Variants in KLF12 observed in about 807,000 individuals in gnomAD.
KLF12 encodes Krueppel-like factor 12.
Under a neutral mutation model 37.8 loss-of-function variants are expected in KLF12, and 9 were observed. That is an observed-to-expected ratio of 0.24 (90% CI 0.14 to 0.42). KLF12 has a LOEUF of 0.42. Among genes scored for constraint, KLF12 ranks in the 10% least tolerant of loss-of-function variants. KLF12 has a pLI of 1.00. For synonymous variants in KLF12, 208 were observed against 202.1 expected, an observed-to-expected ratio of 1.03 and a Z score of -0.25; for missense variants, 411 against 516.0, an observed-to-expected ratio of 0.80 and a Z score of 1.97.
chr13:73,823,160 T>C (rs909752275), intron 4 of KLF12, among the ~76,000 whole-genome samples: 2 of 152,174 alleles, frequency 1.3e-5, no homozygotes, highest in African/African-American at 4.8e-5. Context: ...GTTTTCTAGT[T>C]TGTGTACTGA....
intron 1 of KLF12, among the ~76,000 whole-genome samples, chr13:74,115,686 C>G (rs903611158): frequency 7.5e-6 from 1 of 133,064 alleles, no homozygotes; most frequent in Non-Finnish European, 1.6e-5. Context: ...GCCTGGGCGA[C>G]AGAGTAAAAC....
At chr13:74,215,264 C>T in the KLF12 span, among the ~76,000 whole-genome samples, 1 of 151,752 alleles carries the variant, frequency 6.6e-6, no homozygotes, top group Non-Finnish European at 1.5e-5. Context: ...GATAGAATTT[C>T]TCCACTTTAT....
chr13:74,262,821 G>T, the KLF12 span, among the ~76,000 whole-genome samples: 1 of 151,904 alleles, frequency 6.6e-6, no homozygotes, highest in Non-Finnish European at 1.5e-5. Flanking sequence ...ATATATGTGT[G>T]CATATATGTA....
chr13:74,186,336 C>T, the KLF12 span, among the ~76,000 whole-genome samples: 3 of 152,132 alleles, frequency 2.0e-5, no homozygotes, highest in African/African-American at 7.2e-5. Flanking sequence ...TACTTAACCA[C>T]CTTGCCCTTC....
chr13:73,757,985 T>A (rs1215282891), intron 6 of KLF12, among the ~76,000 whole-genome samples: 1 of 152,218 alleles, frequency 6.6e-6, no homozygotes, highest in Non-Finnish European at 1.5e-5. Context: ...CAGTCTTTTT[T>A]TCTGTATCAG....
intron 2 of KLF12, among the ~76,000 whole-genome samples, chr13:73,952,481 A>G (rs1401277924): frequency 6.6e-6 from 1 of 152,200 alleles, no homozygotes; most frequent in South Asian, 2.1e-4. Flanking sequence ...AACTGCCCCC[A>G]TGATCCAATC....
chr13:73,991,363 A>C (rs9592961), intron 2 of KLF12, among the ~76,000 whole-genome samples: 2 of 152,234 alleles, frequency 1.3e-5, no homozygotes, highest in African/African-American at 2.4e-5. Context: ...CACCAAGTGC[A>C]TGTTAGAATT....
At chr13:73,731,971 T>C (rs1249281919) in intron 6 of KLF12, among the ~76,000 whole-genome samples, 2 of 152,136 alleles carry the variant, frequency 1.3e-5, no homozygotes, top group African/African-American at 2.4e-5. Context: ...TGTGGGGTTA[T>C]AAAAAGAATT....
chr13:74,050,076 A>T (rs1872808515), intron 1 of KLF12, among the ~76,000 whole-genome samples: 1 of 152,186 alleles, frequency 6.6e-6, no homozygotes, highest in South Asian at 2.1e-4. Context: ...TGACAAAAAC[A>T]GGCCACATAA....
At chr13:74,221,143 T>C in the KLF12 span, among the ~76,000 whole-genome samples, 1 of 151,928 alleles carries the variant, frequency 6.6e-6, no homozygotes, top group Non-Finnish European at 1.5e-5. Context: ...TAGCTGGGAC[T>C]ACAAGCACCG....
At chr13:73,697,482 G>A (rs990430529) in intron 7 of KLF12, among the ~76,000 whole-genome samples, 9 of 152,150 alleles carry the variant, frequency 5.9e-5, no homozygotes, top group Non-Finnish European at 1.0e-4. Flanking sequence ...ACTGACCAAA[G>A]TTTGACAGAA....
At chr13:73,962,196 T>C (rs1891041901) in intron 2 of KLF12, among the ~76,000 whole-genome samples, 1 of 152,194 alleles carries the variant, frequency 6.6e-6, no homozygotes, top group Non-Finnish European at 1.5e-5. Context: ...TACATGCATA[T>C]TACTGAGTGA....
At chr13:74,278,421 C>A in the KLF12 span, among the ~76,000 whole-genome samples, 1 of 152,184 alleles carries the variant, frequency 6.6e-6, no homozygotes, top group Non-Finnish European at 1.5e-5. Context: ...CATCTAAATT[C>A]TTTGTCTACA....
At chr13:73,837,429 T>G (rs752069025) in intron 4 of KLF12, among the ~76,000 whole-genome samples, 32 of 152,312 alleles carry the variant, frequency 2.1e-4, no homozygotes, top group Non-Finnish European at 3.5e-4. Flanking sequence ...ATTCAACCTC[T>G]TGTGCATGCC....
chr13:73,883,674 T>C (rs1887085884), intron 3 of KLF12, among the ~76,000 whole-genome samples: 1 of 152,224 alleles, frequency 6.6e-6, no homozygotes, highest in African/African-American at 2.4e-5. Context: ...CATCCATCTT[T>C]GCTTCAAGGA....
chr13:73,755,187 C>T (rs1401206558), intron 6 of KLF12, among the ~76,000 whole-genome samples: 3 of 152,064 alleles, frequency 2.0e-5, no homozygotes, highest in African/African-American at 2.4e-5. Context: ...AGAAAAGCAG[C>T]GTTTCTTTTT....
intron 3 of KLF12, among the ~76,000 whole-genome samples, chr13:73,915,689 A>ATTT (rs140697314): frequency 2.2e-4 from 22 of 99,116 alleles, no homozygotes; most frequent in African/African-American, 5.1e-4. Context: ...ATTTTTTTGT[A>ATTT]TTTTTTTTTT....
chr13:74,141,455 A>G, the KLF12 span, among the ~76,000 whole-genome samples: 4 of 152,184 alleles, frequency 2.6e-5, no homozygotes, highest in African/African-American at 9.7e-5. Flanking sequence ...GAGGGAGATT[A>G]TGATACTGAT....
At chr13:74,277,115 A>T in the KLF12 span, among the ~76,000 whole-genome samples, 2 of 152,102 alleles carry the variant, frequency 1.3e-5, no homozygotes, top group African/African-American at 4.8e-5. Flanking sequence ...ATTCAATCTC[A>T]TTCTGGTTCT....
Sources: allele counts gnomAD v4.1 joint callset (sites outside exome capture counted in the v4.1 genomes callset), GRCh38; gene constraint gnomAD v4.1.1; transcripts MANE v1.5; gene names NCBI Gene and HGNC (gene_info 2026-07-23, HGNC 2026-07-21).